The following PSMA2 variants were observed in gnomAD, a reference collection of about 807,000 sequenced individuals.
PSMA2 encodes proteasome 20S subunit alpha 2.
PSMA2 carries 2 observed loss-of-function variants against 35.9 expected under a neutral mutation model. The observed-to-expected ratio is 0.06, with a 90% CI of 0.02 to 0.18. PSMA2 has a LOEUF of 0.18. Ranked by LOEUF, PSMA2 falls within the 10% of genes least tolerant of loss-of-function variation. The pLI is 1.00. For missense variants in PSMA2, 126 were observed against 278.8 expected, an observed-to-expected ratio of 0.45 and a Z score of 3.90; for synonymous variants, 97 against 98.2, an observed-to-expected ratio of 0.99 and a Z score of 0.07.
At chr7:42,930,825 A>G (rs533914111) in intron 1 of PSMA2, among the ~76,000 whole-genome samples, 1 of 152,148 alleles carries the variant, frequency 6.6e-6, no homozygotes, top group African/African-American at 2.4e-5. Context: ...TGTCCCTAAA[A>G]AAAGGACCAC....
Position 42,926,652 on chromosome 7 carries a change from TACC to T in PSMA2, c.132_134del (p.Val45del). The T allele has an allele frequency of 6.2e-7, 1 of 1,606,562 alleles. No homozygotes were observed. On this transcript the variant is annotated inframe_deletion, in exon 3 of 8. Coordinates refer to ENST00000223321, the MANE Select transcript of PSMA2 (RefSeq NM_002787.5). ...ATTTCTGTTTTTTCTCAGTTGCTAA[TACC>T]ACACCATTTGCAGCTTAAAAAAAAA... is the stretch of plus-strand genomic sequence containing the variant.
intron 3 of PSMA2, among the ~76,000 whole-genome samples, chr7:42,925,216 C>A (rs1197671351): frequency 6.6e-6 from 1 of 152,148 alleles, no homozygotes; most frequent in Non-Finnish European, 1.5e-5. Context: ...AATCTCTCTG[C>A]CTGTGCTTCA....
rs988674108 is a variant in PSMA2, at chr7:42,917,461, G to A, written c.*113C>T. The A allele has an allele frequency of 1.3e-5, 10 of 775,714 alleles. No individual in the cohort carries two copies. The highest frequency in any genetic ancestry group is 1.2e-4 in the African/African-American group (7 of 57,396). The allele number at this position is 775,714 out of a possible 1,614,324, so 48.1% of individuals were successfully genotyped here. On this transcript the variant is annotated 3_prime_UTR_variant, in exon 8 of 8. Coordinates refer to ENST00000223321, the MANE Select transcript of PSMA2 (RefSeq NM_002787.5). ...TATAAGTGTCATTTTAAAAACAGTC[G>A]ATTTAAACCATGTAGAAATAAGTAT...
chr7:42,917,232 T>G lies in PSMA2; in HGVS notation c.*342A>C, dbSNP rs1786045626. On this transcript the variant is annotated 3_prime_UTR_variant, in exon 8 of 8. Transcript: ENST00000223321. Reference sequence around the variant, plus strand: ...TTACCAAAATCAGCATTTTGCTTTATGGAAACACAGGCAACATCTGATAGC... The same window carrying G: ...TTACCAAAATCAGCATTTTGCTTTAGGGAAACACAGGCAACATCTGATAGC... The G allele has an allele frequency of 5.6e-6, 1 of 179,922 alleles. No individual in the cohort carries two copies. Among genetic ancestry groups the G allele is most frequent in the African/African-American group, 2.4e-5 (1 of 41,978 alleles). 11.1% of individuals were successfully genotyped at this position (179,922 alleles called of 1,614,324 possible). A position where few individuals can be genotyped will look rare whatever the true frequency, so the allele number is the denominator to read the frequency against.
chr7:42,926,834 G>A (rs113207689), intron 2 of PSMA2, among the ~76,000 whole-genome samples, 166 bp from the exon 3 acceptor site: 1 of 152,276 alleles, frequency 6.6e-6, no homozygotes, highest in Non-Finnish European at 1.5e-5. Context: ...TGGTAAGTCA[G>A]TTTTTCCCTC....
chr7:42,922,968 A>G (rs1237224298), intron 5 of PSMA2, among the ~76,000 whole-genome samples: 1 of 152,198 alleles, frequency 6.6e-6, no homozygotes. Context: ...AGTCAGCCCC[A>G]AGATTCAACT....
At chr7:42,927,668 G>C (rs1446147108) in intron 1 of PSMA2, among the ~76,000 whole-genome samples, 1 of 152,216 alleles carries the variant, frequency 6.6e-6, no homozygotes, top group African/African-American at 2.4e-5. Flanking sequence ...CACTTTGGAA[G>C]GCCAAGACGG....
At chr7:42,919,861 T>C in intron 6 of PSMA2, 1 of 750,016 alleles carries the variant, frequency 1.3e-6, no homozygotes, top group Non-Finnish European at 2.5e-6. Context: ...TGTGTGAGAT[T>C]TGATCCTGAT....
At chr7:42,930,225 GCACACACACACACACACA>G (rs60660330) in intron 1 of PSMA2, among the ~76,000 whole-genome samples, 1 of 150,266 alleles carries the variant, frequency 6.7e-6, no homozygotes, top group African/African-American at 2.5e-5. Context: ...ACACACACAC[GCACACACACACACACACA>G]CACACAAGTT....
At chr7:42,927,251 A>C (rs1166019599) in intron 2 of PSMA2, 132 bp downstream of exon 2, 2 of 778,186 alleles carry the variant, frequency 2.6e-6, no homozygotes, top group Admixed American at 5.7e-5. Context: ...TAAACTCCAA[A>C]ACACTGTAAA....
intron 4 of PSMA2, 25 bp from the exon 5 acceptor site, chr7:42,923,431 C>A (rs762841589): frequency 1.3e-6 from 2 of 1,576,946 alleles, no homozygotes; most frequent in African/African-American, 2.7e-5. Context: ...ATGAAAATTA[C>A]TTGGCATTTT....
intron 1 of PSMA2, among the ~76,000 whole-genome samples, chr7:42,929,002 G>C (rs1471321330): frequency 6.6e-6 from 1 of 151,826 alleles, no homozygotes; most frequent in Non-Finnish European, 1.5e-5. Flanking sequence ...TTTAGTAACA[G>C]GGTCTTGCTA....
intron 5 of PSMA2, 41 bp from the exon 6 acceptor site, chr7:42,921,972 A>G (rs1786135037): frequency 6.7e-7 from 1 of 1,490,270 alleles, no homozygotes; most frequent in African/African-American, 1.4e-5. Flanking sequence ...ATTTTAAAAC[A>G]CAAATACAAT....
intron 1 of PSMA2, 93 bp from the exon 2 acceptor site, chr7:42,927,552 C>A: frequency 8.3e-7 from 1 of 1,210,002 alleles, no homozygotes; most frequent in Non-Finnish European, 1.2e-6. Flanking sequence ...CAGGTCAAAT[C>A]CAATTTATCC....
intron 1 of PSMA2, chr7:42,931,022 A>G (rs945029432): frequency 1.7e-5 from 5 of 290,494 alleles, no homozygotes; most frequent in African/African-American, 1.1e-4. Flanking sequence ...AATTTAAGAC[A>G]ACGTTATGTA....
Position 42,926,564 on chromosome 7 carries a change from C to G in PSMA2, c.223G>C (p.Val75Leu). Residue 75 changes from valine (V) to leucine (L), a missense_variant, in exon 3 of 8, where the codon GTG becomes CTG. Physicochemically the swap from Val to Leu is conservative, Grantham distance 32 (BLOSUM62 1). Transcript: ENST00000223321. ...VEPITKHIGL[V>L]YSGMGPDYRV... is the part of the protein sequence containing the mutation. ...TAATCGGGGCCCATGCCACTGTACA[C>G]CAAACCTATATGCTTGGTAATTGGT... The G allele has an allele frequency of 3.1e-6, 5 of 1,604,940 alleles. No homozygotes were observed. The highest frequency in any genetic ancestry group is 4.2e-6 in the Non-Finnish European group (5 of 1,177,234).
rs1023034390 is a variant in PSMA2, at chr7:42,921,015, AGAACT to A, written c.530+838_530+842del. The A allele has an allele frequency of 2.1e-4, 32 of 152,200 alleles. 1 individual carries two copies. The allele number at this position is 152,200 out of a possible 1,614,324, so 9.4% of individuals were successfully genotyped here. On this transcript the variant is annotated intron_variant, in intron 6 of 7. Coordinates refer to ENST00000223321, the MANE Select transcript of PSMA2 (RefSeq NM_002787.5). ...GAGGCTGGGAAGGGAGAAGGGAAGA[AGAACT>A]GAAGGAAGTTGGTTAAGGGGTCTAA... is the stretch of plus-strand genomic sequence containing the variant.
intron 1 of PSMA2, among the ~76,000 whole-genome samples, 182 bp from the exon 2 acceptor site, chr7:42,927,641 C>T (rs530882528): frequency 1.3e-5 from 2 of 152,336 alleles, no homozygotes; most frequent in East Asian, 3.9e-4. Context: ...CGCAATGACT[C>T]AAGTTTGTAA....
intron 3 of PSMA2, among the ~76,000 whole-genome samples, chr7:42,926,213 T>C (rs1454749693): frequency 6.6e-6 from 1 of 152,254 alleles, no homozygotes; most frequent in Non-Finnish European, 1.5e-5. Flanking sequence ...ATTTTTAAAC[T>C]GCACTGGCGA....
Sources: gnomAD v4.1 joint callset for allele counts (sites outside exome capture counted in the v4.1 genomes callset) on GRCh38, gnomAD v4.1.1 for gene constraint, MANE v1.5 for transcripts, NCBI Gene and HGNC (gene_info 2026-07-23, HGNC 2026-07-21) for gene names.